BLMH: variants seen among roughly 807,000 people sequenced by gnomAD.
The protein encoded by BLMH is bleomycin hydrolase.
A neutral mutation model predicts 61.6 loss-of-function variants in BLMH; 32 were observed. That is an observed-to-expected ratio of 0.52 (90% confidence interval 0.39 to 0.70). BLMH has a LOEUF of 0.70. Ranked by LOEUF, BLMH falls within the 30% of genes least tolerant of loss-of-function variation. BLMH has a pLI of 0.00. For missense variants in BLMH, 460 were observed against 555.5 expected, an observed-to-expected ratio of 0.83 and a Z score of 1.73; for synonymous variants, 183 against 193.8, an observed-to-expected ratio of 0.94 and a Z score of 0.46.
intron 11 of BLMH, 148 bp from the exon 12 acceptor site, chr17:30,249,316 T>C: frequency 2.2e-6 from 2 of 901,028 alleles, no homozygotes; most frequent in Non-Finnish European, 3.3e-6. Context: ...CTAAATCTTA[T>C]TAGCAATTCT....
At chr17:30,285,805 G>A (rs1235463912) in intron 5 of BLMH, among the ~76,000 whole-genome samples, 3 of 152,122 alleles carry the variant, frequency 2.0e-5, no homozygotes, top group Non-Finnish European at 1.5e-5. Context: ...AGAAAAAGCA[G>A]GAGACAAGAT....
intron 10 of BLMH, among the ~76,000 whole-genome samples, chr17:30,267,286 A>G (rs544250701): frequency 2.0e-5 from 3 of 152,384 alleles, no homozygotes; most frequent in African/African-American, 4.8e-5. Context: ...AAGAAAAACT[A>G]TATTAACCTA....
At chr17:30,267,287 T>C (rs1388045546) in intron 10 of BLMH, among the ~76,000 whole-genome samples, 1 of 152,232 alleles carries the variant, frequency 6.6e-6, no homozygotes, top group South Asian at 2.1e-4. Flanking sequence ...AGAAAAACTA[T>C]ATTAACCTAC....
intron 5 of BLMH, among the ~76,000 whole-genome samples, chr17:30,285,888 C>T (rs879942160): frequency 6.6e-6 from 1 of 151,960 alleles, no homozygotes; most frequent in Non-Finnish European, 1.5e-5. Flanking sequence ...CCTTCTCTGC[C>T]GGCTGACTAT....
intron 6 of BLMH, among the ~76,000 whole-genome samples, chr17:30,281,090 TTG>T (rs1020174584): frequency 5.1e-5 from 7 of 138,046 alleles, no homozygotes; most frequent in African/African-American, 2.3e-4. Flanking sequence ...TGTTTCTTTG[TTG>T]TTTTTTTTTT....
intron 11 of BLMH, among the ~76,000 whole-genome samples, chr17:30,264,801 T>G (rs1210145517): frequency 6.6e-6 from 1 of 152,238 alleles, no homozygotes; most frequent in East Asian, 1.9e-4. Context: ...AGGAAAACTT[T>G]AACTCAGTAT....
At chr17:30,280,668 G>C (rs1401143963) in intron 6 of BLMH, among the ~76,000 whole-genome samples, 1 of 151,964 alleles carries the variant, frequency 6.6e-6, no homozygotes, top group African/African-American at 2.4e-5. Context: ...TGTAGAGATG[G>C]GGTCTCTCTG....
intron 11 of BLMH, among the ~76,000 whole-genome samples, chr17:30,258,526 G>A (rs1311018365): frequency 6.6e-6 from 1 of 152,138 alleles, no homozygotes; most frequent in Non-Finnish European, 1.5e-5. Context: ...GTTTTGGCTT[G>A]TGGTTTGTAT....
rs1481570797 is a variant in BLMH, at chr17:30,287,786, A to G, written c.463+20T>C. ...CTTAATCATGCTGAGTTTCAGTTCC[A>G]TTAAAGAAAGAACTTTTACCAACAA... On this transcript the variant is annotated intron_variant, in intron 4 of 11. Transcript: ENST00000261714. The G allele has an allele frequency of 1.2e-6, 2 of 1,612,824 alleles. No individual in the cohort carries two copies. Among genetic ancestry groups the G allele is most frequent in the South Asian group, 1.1e-5 (1 of 90,918 alleles).
chr17:30,257,417 G>T (rs1907846098), intron 11 of BLMH, among the ~76,000 whole-genome samples: 1 of 152,116 alleles, frequency 6.6e-6, no homozygotes, highest in East Asian at 1.9e-4. Flanking sequence ...TATAAGAAAA[G>T]AAGACAATAA....
At chr17:30,258,786 A>G (rs147131513) in intron 11 of BLMH, among the ~76,000 whole-genome samples, 10 of 152,170 alleles carry the variant, frequency 6.6e-5, no homozygotes, top group Admixed American at 2.0e-4. Flanking sequence ...CTGAAACTCA[A>G]TGACTTTTCT....
intron 11 of BLMH, among the ~76,000 whole-genome samples, chr17:30,257,721 TCAC>T (rs1195992470): frequency 6.6e-6 from 1 of 152,198 alleles, no homozygotes; most frequent in Non-Finnish European, 1.5e-5. Flanking sequence ...ATTCTTATTC[TCAC>T]AACAATGCTG....
intron 6 of BLMH, among the ~76,000 whole-genome samples, chr17:30,279,048 T>C (rs1908505564): frequency 6.6e-6 from 1 of 152,224 alleles, no homozygotes; most frequent in Non-Finnish European, 1.5e-5. Context: ...GAATATGGGC[T>C]TTCCAAAATG....
chr17:30,286,257 C>T (rs1195096353), intron 5 of BLMH, among the ~76,000 whole-genome samples: 1 of 152,146 alleles, frequency 6.6e-6, no homozygotes, highest in Non-Finnish European at 1.5e-5. Flanking sequence ...GCAGCATCCC[C>T]GTAGGAATTA....
intron 9 of BLMH, 33 bp from the exon 10 acceptor site, chr17:30,271,421 A>G: frequency 6.4e-7 from 1 of 1,556,314 alleles, no homozygotes; most frequent in East Asian, 2.2e-5. Flanking sequence ...AAATAAAGGG[A>G]GTACGATCAT....
Position 30,291,450 on chromosome 17 carries a change from G to A in BLMH, c.72C>T (p.Phe24=), listed in dbSNP as rs1235040883. ...TGGTCCCGACATTCTGGGCAAGTACGAACTGGGGGTCGGAATTCAGTTTCT... is the reference window on the plus strand; with the variant it reads ...TGGTCCCGACATTCTGGGCAAGTACAAACTGGGGGTCGGAATTCAGTTTCT... The part of the protein sequence containing the change: ...LIQKLNSDPQ[F]VLAQNVGTTH... Residue 24 remains phenylalanine (F), a synonymous_variant, in exon 2 of 12, where the codon TTC becomes TTT. Transcript: ENST00000261714. 1.9e-6 allele frequency: 3 copies of A among 1,614,106 alleles called. No homozygotes were observed. In the African/African-American group the frequency reaches 4.0e-5, roughly 22 times the overall value.
At chr17:30,291,560 A>G (rs1908890241) in intron 1 of BLMH, 52 bp from the exon 2 acceptor site, 2 of 1,593,458 alleles carry the variant, frequency 1.3e-6, no homozygotes, top group African/African-American at 1.3e-5. Flanking sequence ...GAAAGGGCTG[A>G]TCTGGGGCTC....
intron 2 of BLMH, among the ~76,000 whole-genome samples, chr17:30,290,434 AT>A (rs1328168688): frequency 6.6e-6 from 1 of 152,228 alleles, no homozygotes; most frequent in African/African-American, 2.4e-5. Context: ...AAAGCAAAAC[AT>A]TAATTATTGT....
In BLMH at chr17:30,287,934, T is replaced by C. The variant is rs759989325; in HGVS notation, c.335A>G (p.Tyr112Cys). 2 of 1,613,462 alleles carry C rather than the reference T, an allele frequency of 1.2e-6. No individual in the cohort carries two copies. The highest frequency in any genetic ancestry group is 1.1e-5 in the South Asian group (1 of 90,990). The stretch of plus-strand genomic sequence containing the variant: ...GTCCACAAAAGCACTCAAGAAGAAA[T>C]AACAGCGTTCAACCTAAAGAGTAAA... ...LFFWDKVERC[Y>C]FFLSAFVDTA... The change falls in exon 4 of 12, where the codon TAT (tyrosine) becomes TGT (cysteine). Residue 112 changes from tyrosine to cysteine, a missense_variant. Physicochemically the swap from Tyr to Cys is radical, Grantham distance 194 (BLOSUM62 -2). This residue lies in a region of BLMH where 43 missense variants were observed against 38.8 expected (regional missense o/e 1.11). Coordinates refer to ENST00000261714, the MANE Select transcript of BLMH (RefSeq NM_000386.4).
Sources: allele counts gnomAD v4.1 joint callset (sites outside exome capture counted in the v4.1 genomes callset), GRCh38; gene constraint gnomAD v4.1.1; regional missense constraint gnomAD v4.1.1; transcripts MANE v1.5; gene names NCBI Gene and HGNC (gene_info 2026-07-23, HGNC 2026-07-21).